Variants in SEC11A observed in about 807,000 individuals in gnomAD.
SEC11A encodes the protein signal peptidase complex catalytic subunit SEC11A.
SEC11A carries 14 observed loss-of-function variants against 25.6 expected under a neutral mutation model. The ratio of observed to expected loss-of-function variants is 0.55; its 90% CI spans 0.36 to 0.85. The LOEUF is 0.85. Ranked by LOEUF, SEC11A falls within the 40% of genes least tolerant of loss-of-function variation. The probability of loss-of-function intolerance (pLI) is 0.01; values close to 1 mark genes in which losing one functional copy is unlikely to be tolerated. For missense variants in SEC11A, 153 were observed against 222.9 expected, an observed-to-expected ratio of 0.69 and a Z score of 2.00; for synonymous variants, 83 against 76.4, an observed-to-expected ratio of 1.09 and a Z score of -0.45.
In SEC11A at chr15:84,672,909, G is replaced by A. The variant is rs767991068; in HGVS notation, c.432-2127C>T. The A allele has an allele frequency of 2.7e-3, 570 of 210,924 alleles. 3 individuals carry two copies. The highest frequency in any genetic ancestry group is 3.8e-3 in the Non-Finnish European group (384 of 101,804). 13.1% of individuals were successfully genotyped at this position (210,924 alleles called of 1,614,324 possible). A position where few individuals can be genotyped will look rare whatever the true frequency, so the allele number is the denominator to read the frequency against. Reference sequence around the variant, plus strand: ...TGGGATGTGAGGAGCGCCTCTGCCCGGCCGCGACCCTGTCTGGGAGGTGAG... The same window carrying A: ...TGGGATGTGAGGAGCGCCTCTGCCCAGCCGCGACCCTGTCTGGGAGGTGAG... On this transcript the variant is annotated intron_variant, in intron 4 of 5. Transcript: ENST00000268220.
intron 3 of SEC11A, among the ~76,000 whole-genome samples, chr15:84,685,713 G>A (rs887014268): frequency 7.2e-5 from 11 of 151,734 alleles, no homozygotes. Flanking sequence ...AGGCATTGCT[G>A]AGAATGAACA....
intron 5 of SEC11A, chr15:84,670,397 T>A: frequency 3.7e-6 from 1 of 267,226 alleles, no homozygotes; most frequent in Non-Finnish European, 7.1e-6. Flanking sequence ...CCACCATTCC[T>A]GGCTAATTTT....
chr15:84,708,807 G>A (rs1898177181), intron 1 of SEC11A, among the ~76,000 whole-genome samples: 1 of 151,752 alleles, frequency 6.6e-6, no homozygotes, highest in Non-Finnish European at 1.5e-5. Flanking sequence ...AAAATGAAAA[G>A]AAAAGAAAAA....
At chr15:84,711,264 C>T (rs1218330829) in intron 1 of SEC11A, among the ~76,000 whole-genome samples, 1 of 151,774 alleles carries the variant, frequency 6.6e-6, no homozygotes, top group Non-Finnish European at 1.5e-5. Context: ...GGCCCGTAGT[C>T]CCAGCTACTC....
At chr15:84,708,196 G>A (rs962995855) in intron 1 of SEC11A, among the ~76,000 whole-genome samples, 1 of 116,634 alleles carries the variant, frequency 8.6e-6, no homozygotes, top group Admixed American at 1.1e-4. Flanking sequence ...ACAGAGTGAG[G>A]CTCTGTCTCA....
intron 1 of SEC11A, among the ~76,000 whole-genome samples, chr15:84,706,514 C>A (rs1348030029): frequency 6.6e-6 from 1 of 152,126 alleles, no homozygotes; most frequent in South Asian, 2.1e-4. Flanking sequence ...CTTCTTATGA[C>A]AACCCTTCAA....
At chr15:84,671,764 C>T (rs767431211) in intron 4 of SEC11A, 10 of 152,204 alleles carry the variant, frequency 6.6e-5, no homozygotes, top group Non-Finnish European at 1.2e-4. Flanking sequence ...TCCAGTACAT[C>T]CTGCCTGATT....
Position 84,687,680 on chromosome 15 carries a change from TA to T in SEC11A, c.255del (p.Phe85LeufsTer3). The T allele has an allele frequency of 6.2e-7, 1 of 1,601,894 alleles. No individual in the cohort carries two copies. Among genetic ancestry groups the T allele is most frequent in the Non-Finnish European group, 8.5e-7 (1 of 1,177,348 alleles). ...ATAGGAATCTCTCTTCCTTCTATCC[TA>T]AAAACAACAATTTCTCCCACTCGTA... ...DPIRVGEIVV[F>X]RIEGREIPIV... On this transcript the variant is annotated frameshift_variant, in exon 3 of 6. Transcript: ENST00000268220. LOFTEE classifies it high-confidence loss of function.
chr15:84,680,922 GCACTGGGGTATCTTTT>G, intron 3 of SEC11A, 90 bp from the exon 4 acceptor site: 1 of 1,124,234 alleles, frequency 8.9e-7, no homozygotes. Context: ...CATGTTTGTG[GCACTGGGGTATCTTTT>G]CACCATTCTA....
intron 1 of SEC11A, among the ~76,000 whole-genome samples, chr15:84,705,702 A>T (rs1898073527): frequency 6.6e-6 from 1 of 151,632 alleles, no homozygotes; most frequent in Non-Finnish European, 1.5e-5. Flanking sequence ...TAAAAATACA[A>T]AAATTAGCCA....
chr15:84,687,116 C>T (rs560130844), intron 3 of SEC11A, among the ~76,000 whole-genome samples: 27 of 152,280 alleles, frequency 1.8e-4, no homozygotes, highest in Non-Finnish European at 3.5e-4. Flanking sequence ...AGGTGATCCA[C>T]CCACCTCGGC....
chr15:84,682,319 T>C (rs1052703337), intron 3 of SEC11A, among the ~76,000 whole-genome samples: 1 of 152,200 alleles, frequency 6.6e-6, no homozygotes, highest in Non-Finnish European at 1.5e-5. Context: ...TTAGATTACC[T>C]TTATCTTCTT....
chr15:84,692,424 CTG>C (rs949283379), intron 1 of SEC11A, among the ~76,000 whole-genome samples: 12 of 152,164 alleles, frequency 7.9e-5, no homozygotes, highest in African/African-American at 2.7e-4. Context: ...GTTAAGGAAA[CTG>C]TCTCGAAAAG....
At position 84,672,920 on chromosome 15, in the gene SEC11A, T is replaced by C. The variant is rs1275326524; in HGVS notation, c.432-2138A>G. Reference sequence around the variant, plus strand: ...GAGCGCCTCTGCCCGGCCGCGACCCTGTCTGGGAGGTGAGGAGCGTCTCTG... The same window carrying C: ...GAGCGCCTCTGCCCGGCCGCGACCCCGTCTGGGAGGTGAGGAGCGTCTCTG... On this transcript the variant is annotated intron_variant, in intron 4 of 5. Coordinates refer to ENST00000268220, the MANE Select transcript of SEC11A (RefSeq NM_014300.4). 3.5e-3 allele frequency: 631 copies of C among 178,506 alleles called. 3 individuals carry two copies. The highest frequency in any genetic ancestry group is 0.019 in the African/African-American group (583 of 30,944). 11.1% of individuals were successfully genotyped at this position (178,506 alleles called of 1,614,324 possible). A position where few individuals can be genotyped will look rare whatever the true frequency, so the allele number is the denominator to read the frequency against.
chr15:84,709,504 G>A (rs902525115), intron 1 of SEC11A, among the ~76,000 whole-genome samples: 2 of 151,240 alleles, frequency 1.3e-5, no homozygotes, highest in African/African-American at 2.4e-5. Flanking sequence ...GTGCAGTGGT[G>A]TGATCTTGGC....
At chr15:84,699,038 G>A (rs986487741) in intron 1 of SEC11A, among the ~76,000 whole-genome samples, 10 of 152,136 alleles carry the variant, frequency 6.6e-5, no homozygotes, top group African/African-American at 2.4e-4. Flanking sequence ...GTCCTGGCCA[G>A]GAGTGGTGGC....
intron 4 of SEC11A, chr15:84,672,100 G>A (rs1195405829): frequency 1.3e-5 from 2 of 152,594 alleles, no homozygotes; most frequent in African/African-American, 2.4e-5. Flanking sequence ...CCATGCCAAA[G>A]ACAGCACAAA....
intron 4 of SEC11A, among the ~76,000 whole-genome samples, chr15:84,680,292 C>T (rs1233668880): frequency 6.7e-6 from 1 of 149,958 alleles, no homozygotes; most frequent in East Asian, 2.0e-4. Flanking sequence ...CAGAGCAAGA[C>T]TCCATCTCAA....
At chr15:84,699,636 G>A (rs1897869011) in intron 1 of SEC11A, among the ~76,000 whole-genome samples, 1 of 151,902 alleles carries the variant, frequency 6.6e-6, no homozygotes, top group East Asian at 1.9e-4. Context: ...AAAGAACTGG[G>A]GAGTTCAGCC....
Sources: gnomAD v4.1 joint callset for allele counts (sites outside exome capture counted in the v4.1 genomes callset) on GRCh38, gnomAD v4.1.1 for gene constraint, MANE v1.5 for transcripts, NCBI Gene and HGNC (gene_info 2026-07-23, HGNC 2026-07-21) for gene names.